The following CCDC93 variants were observed in gnomAD, a reference collection of about 807,000 sequenced individuals.
CCDC93 encodes the protein coiled-coil domain-containing protein 93.
A neutral mutation model predicts 108.2 loss-of-function variants in CCDC93; 61 were observed. That is an observed-to-expected ratio of 0.56 (90% CI 0.46 to 0.70). CCDC93 has a LOEUF of 0.70. Among genes scored for constraint, CCDC93 ranks in the 30% least tolerant of loss-of-function variants. CCDC93 has a pLI of 0.00. For synonymous variants in CCDC93, 276 were observed against 260.4 expected, an observed-to-expected ratio of 1.06 and a Z score of -0.58; for missense variants, 685 against 764.2, an observed-to-expected ratio of 0.90 and a Z score of 1.22.
chr2:117,983,029 T>G (rs1680197999), intron 7 of CCDC93, among the ~76,000 whole-genome samples: 1 of 151,996 alleles, frequency 6.6e-6, no homozygotes. Flanking sequence ...TAGAACAGGG[T>G]TTTTTCTCTT....
chr2:117,975,930 A>C (rs1679930010), intron 8 of CCDC93, among the ~76,000 whole-genome samples: 1 of 152,148 alleles, frequency 6.6e-6, no homozygotes, highest in African/African-American at 2.4e-5. Flanking sequence ...ACCAGGTCAA[A>C]CTCAAGGCAC....
At chr2:117,965,196 G>A (rs760356874) in intron 11 of CCDC93, among the ~76,000 whole-genome samples, 4 of 151,814 alleles carry the variant, frequency 2.6e-5, no homozygotes, top group Admixed American at 6.6e-5. Flanking sequence ...CACAATAGGA[G>A]GTTTCCAAGA....
rs1677669547 is a variant in CCDC93 at position 117,915,927 on chromosome 2, C to T, written c.*4416G>A. 6.6e-6 allele frequency: 1 copy of T among 152,156 alleles called. No individual in the cohort carries two copies. The allele number at this position is 152,156 out of a possible 1,614,324, so 9.4% of individuals were successfully genotyped here. Reference sequence around the variant, plus strand: ...TTGTTTTAAATTTCTACAAACTATTCCATTGTTTAAGCTGGCCATAATGTA... The same window carrying T: ...TTGTTTTAAATTTCTACAAACTATTTCATTGTTTAAGCTGGCCATAATGTA... On this transcript the variant is annotated 3_prime_UTR_variant, in exon 24 of 24. Transcript: ENST00000376300.
intron 8 of CCDC93, 35 bp from the exon 9 acceptor site, chr2:117,975,315 G>T (rs764977661): frequency 1.4e-6 from 2 of 1,469,280 alleles, no homozygotes; most frequent in Non-Finnish European, 1.9e-6. Flanking sequence ...CTGAGCACGG[G>T]AGATGGAGAC....
At chr2:118,003,925 T>C (rs1252110814) in intron 3 of CCDC93, among the ~76,000 whole-genome samples, 1 of 152,188 alleles carries the variant, frequency 6.6e-6, no homozygotes, top group East Asian at 1.9e-4. Flanking sequence ...CCTTCAGATT[T>C]CCTAAAAATC....
intron 11 of CCDC93, among the ~76,000 whole-genome samples, chr2:117,964,764 A>C (rs1679501709): frequency 2.6e-5 from 4 of 152,108 alleles, no homozygotes. Context: ...ATACCCAAGT[A>C]ATTTTAAAAA....
In CCDC93 at chr2:118,008,470, C is replaced by T. The variant is rs919957371; in HGVS notation, c.156+75G>A. 2.0e-5 allele frequency: 17 copies of T among 832,260 alleles called. 1 individual carries two copies. The Admixed American group carries it at 2.1e-4, about 10-fold the overall frequency. The allele number at this position is 832,260 out of a possible 1,614,324, so 51.6% of individuals were successfully genotyped here. The stretch of plus-strand genomic sequence containing the variant: ...GGAAGAAGTTAAAACATCATCTTTT[C>T]CTCCTTTCTTTGCCATGATTAACCA... On this transcript the variant is annotated intron_variant, in intron 2 of 23. Transcript: ENST00000376300.
At chr2:117,939,346 T>C (rs1026698642) in intron 19 of CCDC93, among the ~76,000 whole-genome samples, 10 of 152,258 alleles carry the variant, frequency 6.6e-5, no homozygotes, top group Middle Eastern at 3.4e-3. Context: ...TACCCAAAGT[T>C]GAGAATTACT....
At position 117,930,762 on chromosome 2, in the gene CCDC93, G is replaced by A. The variant is rs576192219; in HGVS notation, c.1842+275C>T. 1.2e-4 allele frequency: 32 copies of A among 274,566 alleles called. No individual in the cohort carries two copies. In the East Asian group the frequency reaches 2.2e-3, roughly 19 times the overall value. 17.0% of individuals were successfully genotyped at this position (274,566 alleles called of 1,614,324 possible). A position where few individuals can be genotyped will look rare whatever the true frequency, so the allele number is the denominator to read the frequency against. ...CAAGTGGCCCTTGATACGGACTGATGGAGTCATTTTGTGAGTTAATGTGCT... is the reference window on the plus strand; with the variant it reads ...CAAGTGGCCCTTGATACGGACTGATAGAGTCATTTTGTGAGTTAATGTGCT... On this transcript the variant is annotated intron_variant, in intron 23 of 23. Transcript: ENST00000376300.
intron 11 of CCDC93, among the ~76,000 whole-genome samples, chr2:117,969,247 G>A (rs548174671): frequency 1.3e-4 from 20 of 152,326 alleles, no homozygotes; most frequent in Admixed American, 2.6e-4. Context: ...AGGCTCATGT[G>A]ACAAGGAACT....
At chr2:118,001,893 C>G (rs1230948079) in intron 3 of CCDC93, among the ~76,000 whole-genome samples, 1 of 152,156 alleles carries the variant, frequency 6.6e-6, no homozygotes, top group Non-Finnish European at 1.5e-5. Flanking sequence ...TTAATTGGAT[C>G]AGACTCAAGG....
chr2:117,950,595 G>GA, intron 13 of CCDC93: 1 of 985,386 alleles, frequency 1.0e-6, no homozygotes, highest in Non-Finnish European at 1.2e-6. Context: ...AGGTTTTGCT[G>GA]AAGAGGTCAA....
chr2:117,922,720 G>T (rs1677913340), intron 23 of CCDC93, among the ~76,000 whole-genome samples: 1 of 152,184 alleles, frequency 6.6e-6, no homozygotes, highest in Non-Finnish European at 1.5e-5. Flanking sequence ...CGCAGAAGTA[G>T]AGGGCCAGTG....
At position 117,919,397 on chromosome 2, in the gene CCDC93, CCAGG is replaced by C. The variant is rs909215439; in HGVS notation, c.*942_*945del. 1 of 152,232 alleles carries C rather than the reference CCAGG, an allele frequency of 6.6e-6. No individual in the cohort carries two copies. Among genetic ancestry groups the C allele is most frequent in the African/African-American group, 2.4e-5 (1 of 41,456 alleles). 9.4% of individuals were successfully genotyped at this position (152,232 alleles called of 1,614,324 possible). A position where few individuals can be genotyped will look rare whatever the true frequency, so the allele number is the denominator to read the frequency against. On this transcript the variant is annotated 3_prime_UTR_variant, in exon 24 of 24. Transcript: ENST00000376300. ...AGATAGGGCTCAAATGCTGCCTCCT[CCAGG>C]AAGTTTCCCTGGATCTCTGCAAACC...
chr2:117,941,934 G>A (rs959635210), intron 18 of CCDC93, among the ~76,000 whole-genome samples: 3 of 151,994 alleles, frequency 2.0e-5, no homozygotes, highest in South Asian at 2.1e-4. Context: ...CAGACCAAGC[G>A]GGCTCTGAGT....
intron 5 of CCDC93, 193 bp from the exon 6 acceptor site, chr2:117,995,695 G>T: frequency 1.7e-6 from 1 of 572,182 alleles, no homozygotes; most frequent in Non-Finnish European, 3.1e-6. Flanking sequence ...CTCCAACATA[G>T]ATCCCTACAC....
At chr2:117,932,331 T>C (rs762280401) in intron 22 of CCDC93, among the ~76,000 whole-genome samples, 7 of 152,192 alleles carry the variant, frequency 4.6e-5, no homozygotes, top group Non-Finnish European at 7.4e-5. Flanking sequence ...TGGGAGGGAT[T>C]TGGTAAACAC....
chr2:117,999,891 C>G (rs1440494468), intron 4 of CCDC93: 1 of 152,088 alleles, frequency 6.6e-6, no homozygotes, highest in Non-Finnish European at 1.5e-5. Context: ...CCACCCACCC[C>G]CAAACATTTT....
chr2:117,997,046 T>C (rs1220089768), intron 4 of CCDC93: 3 of 152,040 alleles, frequency 2.0e-5, no homozygotes, highest in East Asian at 1.9e-4. Context: ...CATGGATCCA[T>C]AGCTAGCCAG....
Sources: allele counts gnomAD v4.1 joint callset (sites outside exome capture counted in the v4.1 genomes callset), GRCh38; gene constraint gnomAD v4.1.1; transcripts MANE v1.5; gene names NCBI Gene and HGNC (gene_info 2026-07-23, HGNC 2026-07-21).